Variants in LRRC43 observed in about 807,000 individuals in gnomAD.
The protein encoded by LRRC43 is leucine-rich repeat-containing protein 43.
Under a neutral mutation model 64.3 loss-of-function variants are expected in LRRC43, and 62 were observed. The observed-to-expected ratio is 0.96, with a 90% CI of 0.79 to 1.19. The LOEUF (loss-of-function observed/expected upper bound fraction) is 1.19, where lower values mean the gene tolerates loss of function less well. Among genes scored for constraint, LRRC43 ranks in the 50% most tolerant of loss-of-function variants. The probability of loss-of-function intolerance (pLI) is 0.00; values close to 1 mark genes in which losing one functional copy is unlikely to be tolerated. For synonymous variants in LRRC43, 422 were observed against 382.3 expected, an observed-to-expected ratio of 1.10 and a Z score of -1.21; for missense variants, 868 against 845.0, an observed-to-expected ratio of 1.03 and a Z score of -0.34.
chr12:122,183,217 G>T lies in LRRC43; in HGVS notation c.73G>T (p.Gly25Trp). 6.4e-7 allele frequency: 1 copy of T among 1,565,372 alleles called. No individual in the cohort carries two copies. The highest frequency in any genetic ancestry group is 8.6e-7 in the Non-Finnish European group (1 of 1,164,886). ...AGPGTQRPGT[G>W]TVSAAVREHL... is the part of the protein sequence containing the mutation. ...GCCTGGGACTCAGCGGCCCGGGACC[G>T]GGACCGTGAGCGCGGCCGTGCGCGA... The change falls in exon 1 of 12, where the codon GGG becomes TGG. Residue 25 changes from glycine (G) to tryptophan (W), a missense_variant. By Grantham distance (184) the Gly-to-Trp change is radical. Transcript: ENST00000339777.
intron 1 of LRRC43, chr12:122,173,975 G>A (rs1298166901): frequency 1.9e-6 from 3 of 1,614,032 alleles, no homozygotes; most frequent in Non-Finnish European, 2.5e-6. Flanking sequence ...AACAGAAAGA[G>A]CACAGACGTC....
intron 1 of LRRC43, among the ~76,000 whole-genome samples, chr12:122,170,301 C>A (rs184176963): frequency 1.6e-3 from 240 of 152,234 alleles, no homozygotes; most frequent in African/African-American, 4.9e-3. Flanking sequence ...ATCACCAAAA[C>A]CTTGTCATTG....
At chr12:122,193,583 C>T (rs532103262) in intron 7 of LRRC43, among the ~76,000 whole-genome samples, 66 of 152,002 alleles carry the variant, frequency 4.3e-4, no homozygotes, top group African/African-American at 1.6e-3. Context: ...TCTTTTTTGG[C>T]GGGGACAGTC....
chr12:122,192,998 C>A lies in LRRC43; in HGVS notation c.1343C>A (p.Ser448Tyr). The A allele has an allele frequency of 6.2e-7, 1 of 1,613,352 alleles. No homozygotes were observed. Among genetic ancestry groups the A allele is most frequent in the Non-Finnish European group, 8.5e-7 (1 of 1,179,694 alleles). ...RLRIDPRLCP[S>Y]PGTVLFSTAH... ...CGTATAGATCCCCGGCTCTGCCCGT[C>A]CCCAGGGTAAGGATGGAAATCTGAA... The change falls in exon 7 of 12, where the codon TCC (serine) becomes TAC (tyrosine). Residue 448 changes from serine (S) to tyrosine (Y), a missense_variant. Physicochemically the swap from Ser to Tyr is moderately radical, Grantham distance 144. Coordinates refer to ENST00000339777, the MANE Select transcript of LRRC43 (RefSeq NM_001098519.2).
Position 122,184,401 on chromosome 12 carries a change from T to C in LRRC43, c.151-118T>C. ...GAGCCACCGCACCTGGCCTACTCTCTAGATTTCTAAACTCTATCCCTAATC... is the reference window on the plus strand; with the variant it reads ...GAGCCACCGCACCTGGCCTACTCTCCAGATTTCTAAACTCTATCCCTAATC... On this transcript the variant is annotated intron_variant, in intron 1 of 11. Coordinates refer to ENST00000339777, the MANE Select transcript of LRRC43 (RefSeq NM_001098519.2). The surrounding 1 kb of genome is among the most constrained non-coding windows in gnomAD (Gnocchi z 4.0). The C allele has an allele frequency of 7.5e-7, 1 of 1,338,968 alleles. No individual in the cohort carries two copies. The highest frequency in any genetic ancestry group is 2.5e-5 in the East Asian group (1 of 39,636). The allele number at this position is 1,338,968 out of a possible 1,614,324, so 82.9% of individuals were successfully genotyped here.
chr12:122,183,232 G>A lies in LRRC43; in HGVS notation c.88G>A (p.Ala30Thr), dbSNP rs1953601191. The A allele has an allele frequency of 6.4e-7, 1 of 1,568,604 alleles. No homozygotes were observed. The highest frequency in any genetic ancestry group is 8.6e-7 in the Non-Finnish European group (1 of 1,166,818). ...GCCCGGGACCGGGACCGTGAGCGCG[G>A]CCGTGCGCGAGCACTTGCGGAAGCT... The part of the protein sequence containing the change: ...QRPGTGTVSA[A>T]VREHLRKLCL... Residue 30 changes from alanine to threonine, a missense_variant, in exon 1 of 12, where the codon GCC becomes ACC. Coordinates refer to ENST00000339777, the MANE Select transcript of LRRC43 (RefSeq NM_001098519.2).
intron 1 of LRRC43, among the ~76,000 whole-genome samples, chr12:122,177,755 C>G (rs1953549980): frequency 6.6e-6 from 1 of 151,986 alleles, no homozygotes; most frequent in Non-Finnish European, 1.5e-5. Context: ...TCCTGCCTCA[C>G]CTTCCCAAAG....
Position 122,187,837 on chromosome 12 carries a change from A to C in LRRC43, c.659A>C (p.His220Pro). 6.2e-7 allele frequency: 1 copy of C among 1,613,916 alleles called. No individual in the cohort carries two copies. ...PLESLYVTAN[H>P]WPNLVSLDLG... is the part of the protein sequence containing the mutation. Reference sequence around the variant, plus strand: ...GAAAGTCTCTACGTCACCGCTAATCACTGGTAACTCGGGAGCCCAGATGGA... The same window carrying C: ...GAAAGTCTCTACGTCACCGCTAATCCCTGGTAACTCGGGAGCCCAGATGGA... The change falls in exon 4 of 12, where the codon CAC becomes CCC. Residue 220 changes from histidine to proline, a missense_variant. Physicochemically the swap from His to Pro is moderately conservative, Grantham distance 77. Coordinates refer to ENST00000339777, the MANE Select transcript of LRRC43 (RefSeq NM_001098519.2).
rs765625412 is a variant in LRRC43 at position 122,203,377 on chromosome 12, G to A, written c.1906G>A (p.Glu636Lys). 3.7e-6 allele frequency: 6 copies of A among 1,613,356 alleles called. No individual in the cohort carries two copies. Among genetic ancestry groups the A allele is most frequent in the African/African-American group, 1.3e-5 (1 of 74,932 alleles). Residue 636 changes from glutamate (E) to lysine (K), a missense_variant, in exon 12 of 12, where the codon GAG (glutamate) becomes AAG (lysine). Physicochemically the swap from Glu to Lys is moderately conservative, Grantham distance 56. Coordinates refer to ENST00000339777, the MANE Select transcript of LRRC43 (RefSeq NM_001098519.2). The part of the protein sequence containing the change: ...GDYHPEPLTV[E>K]VQIQLNQCRS... ...TTACCACCCTGAGCCCCTGACCGTA[G>A]AGGTGCAGATCCAGCTGAACCAGTG...
upstream of LRRC43, chr12:122,182,872 T>G: frequency 2.0e-5 from 9 of 457,450 alleles, no homozygotes; most frequent in Non-Finnish European, 2.3e-5. Flanking sequence ...ATCTGTCAGA[T>G]GGGTATAGGA....
At chr12:122,168,203 G>C (rs1953456727) in intron 1 of LRRC43, among the ~76,000 whole-genome samples, 4 of 151,320 alleles carry the variant, frequency 2.6e-5, no homozygotes. Flanking sequence ...CACTTTGGGA[G>C]GCCAAGGTGG....
chr12:122,190,017 C>A, intron 4 of LRRC43, 113 bp from the exon 5 acceptor site: 1 of 876,084 alleles, frequency 1.1e-6, no homozygotes, highest in Non-Finnish European at 1.9e-6. Context: ...GGGGTGCAGG[C>A]CGTGGATGGG....
At chr12:122,195,018 C>A (rs535579729) in intron 7 of LRRC43, among the ~76,000 whole-genome samples, 1 of 152,062 alleles carries the variant, frequency 6.6e-6, no homozygotes, top group East Asian at 1.9e-4. Context: ...ATTTGAATTA[C>A]CCTCTGGTGT....
intron 10 of LRRC43, 131 bp downstream of exon 10, chr12:122,201,065 G>C: frequency 8.2e-7 from 1 of 1,221,108 alleles, no homozygotes; most frequent in Non-Finnish European, 1.1e-6. Flanking sequence ...CTTTCCCTGG[G>C]GCATGCAGCT....
chr12:122,177,352 G>C (rs918021900), intron 1 of LRRC43, among the ~76,000 whole-genome samples: 2 of 152,106 alleles, frequency 1.3e-5, no homozygotes, highest in African/African-American at 4.8e-5. Flanking sequence ...GCTTGGAAGA[G>C]GATGCTGAGA....
At chr12:122,171,041 A>C (rs762948075) in intron 1 of LRRC43, among the ~76,000 whole-genome samples, 2 of 152,342 alleles carry the variant, frequency 1.3e-5, no homozygotes, top group South Asian at 2.1e-4. Flanking sequence ...AAGCCTTAAC[A>C]GTTGTGGACT....
rs1453667958 is a variant in LRRC43 at position 122,191,371 on chromosome 12, TC to T, written c.902-6del. Reference sequence around the variant, plus strand: ...TGGGCCCCCCTGTCCTGCCCATTCCTCCCTGCAGATCTCTTGGCACAGGAGG... The same window carrying T: ...TGGGCCCCCCTGTCCTGCCCATTCCTCCTGCAGATCTCTTGGCACAGGAGG... On this transcript the variant is annotated splice_region_variant and splice_polypyrimidine_tract_variant and intron_variant, in intron 5 of 11. Coordinates refer to ENST00000339777, the MANE Select transcript of LRRC43 (RefSeq NM_001098519.2). The T allele has an allele frequency of 6.2e-7, 1 of 1,604,742 alleles. No homozygotes were observed. The highest frequency in any genetic ancestry group is 8.5e-7 in the Non-Finnish European group (1 of 1,175,578).
chr12:122,184,876 T>C lies in LRRC43; in HGVS notation c.411+97T>C. The C allele has an allele frequency of 7.3e-7, 1 of 1,371,240 alleles. No individual in the cohort carries two copies. Among genetic ancestry groups the C allele is most frequent in the South Asian group, 1.3e-5 (1 of 74,596 alleles). 84.9% of individuals were successfully genotyped at this position (1,371,240 alleles called of 1,614,324 possible). A position where few individuals can be genotyped will look rare whatever the true frequency, so the allele number is the denominator to read the frequency against. On this transcript the variant is annotated intron_variant, in intron 2 of 11. Coordinates refer to ENST00000339777, the MANE Select transcript of LRRC43 (RefSeq NM_001098519.2). This position sits in a 1 kb window ranked among gnomAD's most constrained non-coding sequence, Gnocchi z 4.0. ...CTTCCCCACAGCGCGTCAGGGATCC[T>C]GCTTTCAGGGCTGAAACGAAGGCCA...
chr12:122,180,165 A>C (rs930741512), upstream of LRRC43, among the ~76,000 whole-genome samples: 1 of 152,058 alleles, frequency 6.6e-6, no homozygotes, highest in African/African-American at 2.4e-5. Flanking sequence ...CTTTGCTGGG[A>C]GAGTTTGAAT....
Sources: allele counts gnomAD v4.1 joint callset (sites outside exome capture counted in the v4.1 genomes callset), GRCh38; gene constraint gnomAD v4.1.1; non-coding constraint Gnocchi (gnomAD v3.1); transcripts MANE v1.5; gene names NCBI Gene and HGNC (gene_info 2026-07-23, HGNC 2026-07-21).